YAE1: variants seen among roughly 807,000 people sequenced by gnomAD.
YAE1 encodes the protein YAE1 maturation factor of ABCE1, also known as protein YAE1 homolog.
A neutral mutation model predicts 23.0 loss-of-function variants in YAE1; 22 were observed. The ratio of observed to expected loss-of-function variants is 0.96; its 90% confidence interval spans 0.68 to 1.37. The LOEUF (loss-of-function observed/expected upper bound fraction) is 1.37. Among genes scored for constraint, YAE1 ranks in the 40% most tolerant of loss-of-function variants. The probability of loss-of-function intolerance (pLI) is 0.00; values close to 1 mark genes in which losing one functional copy is unlikely to be tolerated. For synonymous variants in YAE1, 101 were observed against 97.0 expected (o/e 1.04, Z -0.24); for missense variants, 260 against 262.1 (o/e 0.99, Z 0.06).
At chr7:39,604,768 C>T (rs1181183648) in intron 2 of YAE1, among the ~76,000 whole-genome samples, 10 of 151,994 alleles carry the variant, frequency 6.6e-5, no homozygotes, top group Non-Finnish European at 4.4e-5. Flanking sequence ...GGAGTTAGAA[C>T]ACATTTAAGA....
intron 2 of YAE1, among the ~76,000 whole-genome samples, chr7:39,597,442 T>G (rs1318479524): frequency 6.6e-6 from 1 of 152,196 alleles, no homozygotes; most frequent in Non-Finnish European, 1.5e-5. Flanking sequence ...TTGGAATGTA[T>G]GACTGGGAAC....
At chr7:39,591,168 C>T (rs533160626) in intron 2 of YAE1, among the ~76,000 whole-genome samples, 12 of 152,252 alleles carry the variant, frequency 7.9e-5, no homozygotes, top group African/African-American at 2.6e-4. Context: ...TACAAGAATA[C>T]CAGTCAGACC....
intron 1 of YAE1, 101 bp downstream of exon 1, chr7:39,566,648 C>A: frequency 6.6e-7 from 1 of 1,510,374 alleles, no homozygotes; most frequent in Non-Finnish European, 8.9e-7. Flanking sequence ...CCCGGCGCTG[C>A]TCTCTTTATC....
At chr7:39,593,980 TG>T (rs1442936183) in intron 2 of YAE1, among the ~76,000 whole-genome samples, 6 of 152,196 alleles carry the variant, frequency 3.9e-5, no homozygotes, top group Admixed American at 3.3e-4. Context: ...TCTAGTAATT[TG>T]GGGTTGTATC....
chr7:39,574,551 G>C (rs944661076), downstream of YAE1, among the ~76,000 whole-genome samples: 1 of 151,848 alleles, frequency 6.6e-6, no homozygotes, highest in African/African-American at 2.4e-5. Flanking sequence ...TGGGCAACAT[G>C]GTGAAACCCC....
chr7:39,568,660 A>G (rs533886849), intron 1 of YAE1, among the ~76,000 whole-genome samples: 1 of 152,354 alleles, frequency 6.6e-6, no homozygotes, highest in Non-Finnish European at 1.5e-5. Context: ...ACTAAATCAT[A>G]AAAGATAATT....
intron 2 of YAE1, 32 bp from the exon 3 acceptor site, chr7:39,572,245 G>A: frequency 6.5e-7 from 1 of 1,548,668 alleles, no homozygotes; most frequent in Non-Finnish European, 8.7e-7. Context: ...GTCCTATTTT[G>A]CTATTTAACC....
At chr7:39,581,241 T>G (rs117823414) in intron 2 of YAE1, among the ~76,000 whole-genome samples, 191 of 152,370 alleles carry the variant, frequency 1.3e-3, no homozygotes, top group Non-Finnish European at 2.0e-3. Context: ...GTTTCCTTAT[T>G]AATGACATAG....
chr7:39,596,765 C>T (rs1417092593), intron 2 of YAE1, among the ~76,000 whole-genome samples: 1 of 151,972 alleles, frequency 6.6e-6, no homozygotes, highest in Non-Finnish European at 1.5e-5. Context: ...CTCTGTCTCT[C>T]ACTTGACTTT....
intron 2 of YAE1, chr7:39,571,091 T>C (rs115322748): frequency 0.011 from 1,656 of 154,754 alleles, 32 homozygotes; most frequent in African/African-American, 0.037. Flanking sequence ...GGTCAAATGA[T>C]ACACAGAGCC....
chr7:39,595,619 T>G (rs1790962472), intron 2 of YAE1, among the ~76,000 whole-genome samples: 1 of 152,184 alleles, frequency 6.6e-6, no homozygotes, highest in Non-Finnish European at 1.5e-5. Flanking sequence ...ATGAATAATA[T>G]CTGAATGAAT....
At chr7:39,567,103 T>C (rs1379500912) in intron 1 of YAE1, 2 of 152,402 alleles carry the variant, frequency 1.3e-5, no homozygotes, top group African/African-American at 2.4e-5. Context: ...TTTGTCTCAC[T>C]ATTCATTGAA....
chr7:39,576,343 T>C (rs1790656858), downstream of YAE1, among the ~76,000 whole-genome samples: 1 of 152,228 alleles, frequency 6.6e-6, no homozygotes, highest in Non-Finnish European at 1.5e-5. Flanking sequence ...TTCCCTGACT[T>C]AAAACCTAGA....
intron 2 of YAE1, among the ~76,000 whole-genome samples, chr7:39,608,437 TAGAG>T (rs1791160345): frequency 6.6e-6 from 1 of 151,870 alleles, no homozygotes; most frequent in South Asian, 2.1e-4. Flanking sequence ...GAGTAGGAGA[TAGAG>T]AAAGTTTAAG....
rs1415267295 is a variant in YAE1 at position 39,572,270 on chromosome 7, T to C, written c.252-7T>C. ...GCTATTTAACCCTTGTTTATACTTT[T>C]GTTCAGTGCTTTGCTCTCCTGGTGT... On this transcript the variant is annotated splice_region_variant and splice_polypyrimidine_tract_variant and intron_variant, in intron 2 of 2. Coordinates refer to ENST00000223273, the MANE Select transcript of YAE1 (RefSeq NM_020192.5). 1 of 1,594,818 alleles carries C rather than the reference T, an allele frequency of 6.3e-7. No homozygotes were observed. Among genetic ancestry groups the C allele is most frequent in the South Asian group, 1.1e-5 (1 of 87,742 alleles).
intron 2 of YAE1, among the ~76,000 whole-genome samples, chr7:39,585,435 G>A (rs1790800977): frequency 6.6e-6 from 1 of 152,110 alleles, no homozygotes; most frequent in Non-Finnish European, 1.5e-5. Flanking sequence ...AAAACCACGT[G>A]AGAACACAGG....
intron 1 of YAE1, among the ~76,000 whole-genome samples, chr7:39,568,626 AAAC>A (rs1790513881): frequency 6.6e-6 from 1 of 152,238 alleles, no homozygotes; most frequent in African/African-American, 2.4e-5. Context: ...CTTCAGTTTG[AAAC>A]AACAACAAAA....
At chr7:39,596,387 G>A (rs554754484) in intron 2 of YAE1, among the ~76,000 whole-genome samples, 14 of 151,904 alleles carry the variant, frequency 9.2e-5, no homozygotes, top group East Asian at 1.9e-4. Flanking sequence ...ACAGGCGCCC[G>A]TCACCACACC....
chr7:39,566,857 A>C, intron 1 of YAE1: 1 of 274,044 alleles, frequency 3.6e-6, no homozygotes, highest in East Asian at 7.9e-5. Flanking sequence ...AGAGAAACAT[A>C]CACTATACTT....
Sources: gnomAD v4.1 joint callset for allele counts (sites outside exome capture counted in the v4.1 genomes callset) on GRCh38, gnomAD v4.1.1 for gene constraint, MANE v1.5 for transcripts, NCBI Gene and HGNC (gene_info 2026-07-23, HGNC 2026-07-21) for gene names.